KDM4D: variants seen among roughly 807,000 people sequenced by gnomAD.
KDM4D encodes the protein lysine demethylase 4D.
For missense variants in KDM4D, 427 were observed against 674.8 expected (o/e 0.63, Z 4.07); for synonymous variants, 254 against 249.1 (o/e 1.02, Z -0.19).
At chr11:94,976,613 C>T (rs1471338086) in intron 2 of KDM4D, among the ~76,000 whole-genome samples, 1 of 152,052 alleles carries the variant, frequency 6.6e-6, no homozygotes, top group Non-Finnish European at 1.5e-5. Context: ...TCATTTTTAT[C>T]AGCTTTTGGA....
rs990505014 is a variant in KDM4D, at chr11:94,978,558, T to C, written c.-350+2810T>C. On this transcript the variant is annotated intron_variant, in intron 2 of 2. Transcript: ENST00000335080. ...GAGACAGCCTCCAAATGAAATATCA[T>C]TTGCTGATGGTCCAGGCTGGGTTAC... Among the ~76,000 whole-genome samples the C allele has an allele frequency of 2.0e-5, 3 of 152,282 alleles. No homozygotes were observed. The East Asian group carries it at 5.8e-4, about 29-fold the overall frequency.
chr11:94,992,027 A>T (rs1438703964), intron 2 of KDM4D, among the ~76,000 whole-genome samples: 1 of 152,052 alleles, frequency 6.6e-6, no homozygotes, highest in Non-Finnish European at 1.5e-5. Context: ...TCAAAAGTTA[A>T]TAACCCCCCC....
At chr11:94,980,612 A>G (rs2134109440) in intron 2 of KDM4D, among the ~76,000 whole-genome samples, 1 of 152,254 alleles carries the variant, frequency 6.6e-6, no homozygotes, top group South Asian at 2.1e-4. Flanking sequence ...AAGTACATTC[A>G]TATTGTTGTC....
chr11:94,982,475 T>C (rs1393414219), intron 2 of KDM4D, among the ~76,000 whole-genome samples: 1 of 151,274 alleles, frequency 6.6e-6, no homozygotes, highest in Admixed American at 6.6e-5. Context: ...ATAGAATTTC[T>C]ACCAACTCAG....
chr11:94,998,657 C>T lies in KDM4D; in HGVS notation c.1285C>T (p.Pro429Ser). 1 of 1,614,232 alleles carries T rather than the reference C, an allele frequency of 6.2e-7. No homozygotes were observed. Among genetic ancestry groups the T allele is most frequent in the Non-Finnish European group, 8.5e-7 (1 of 1,180,048 alleles). ...RAAAVHSSKK[P>S]SSTPSSTPGP... ...TGCTGCTGTCCACAGCTCTAAGAAG[C>T]CCAGCTCAACTCCATCATCCACCCC... Residue 429 changes from proline to serine, a missense_variant, in exon 3 of 3, where the codon CCC becomes TCC. Pro to Ser is a moderately conservative substitution (Grantham distance 74). Transcript: ENST00000335080. This position sits in a 1 kb window ranked among gnomAD's most constrained non-coding sequence, Gnocchi z 6.7.
At chr11:94,994,438 CAG>C (rs1328767910) in intron 2 of KDM4D, among the ~76,000 whole-genome samples, 1 of 151,934 alleles carries the variant, frequency 6.6e-6, no homozygotes, top group African/African-American at 2.4e-5. Context: ...ATGGTACTAA[CAG>C]AAACCCTGAA....
At chr11:94,991,893 T>G (rs1857937818) in intron 2 of KDM4D, among the ~76,000 whole-genome samples, 1 of 151,534 alleles carries the variant, frequency 6.6e-6, no homozygotes, top group Non-Finnish European at 1.5e-5. Flanking sequence ...CTATAAACGT[T>G]GATAGAGAGA....
chr11:94,988,375 A>C (rs1857905851), intron 2 of KDM4D, among the ~76,000 whole-genome samples: 1 of 152,152 alleles, frequency 6.6e-6, no homozygotes, highest in African/African-American at 2.4e-5. Context: ...TTTTTCGGTA[A>C]ACCTCCAACT....
In KDM4D at chr11:94,998,987, A is replaced by C. The variant is rs1555099702; in HGVS notation, c.*43A>C. The C allele has an allele frequency of 6.8e-7, 1 of 1,463,820 alleles. No homozygotes were observed. The highest frequency in any genetic ancestry group is 1.4e-5 in the African/African-American group (1 of 71,044). 90.7% of individuals were successfully genotyped at this position (1,463,820 alleles called of 1,614,324 possible). ...ATATCCCACTGCCCTGCTGTGTGAC[A>C]GTTTGATGAAACTGGTTACATTTAC... On this transcript the variant is annotated 3_prime_UTR_variant, in exon 3 of 3. Transcript: ENST00000335080. This position sits in a 1 kb window ranked among gnomAD's most constrained non-coding sequence, Gnocchi z 6.7.
Position 94,998,166 on chromosome 11 carries a change from C to T in KDM4D, c.794C>T (p.Thr265Ile). ...KENGIPFNRI[T>I]QEAGEFMVTF... Reference sequence around the variant, plus strand: ...AATGGGATTCCCTTCAATCGCATAACTCAGGAGGCTGGAGAGTTCATGGTG... The same window carrying T: ...AATGGGATTCCCTTCAATCGCATAATTCAGGAGGCTGGAGAGTTCATGGTG... Residue 265 changes from threonine to isoleucine, a missense_variant, in exon 3 of 3, where the codon ACT (threonine) becomes ATT (isoleucine). Transcript: ENST00000335080. This position sits in a 1 kb window ranked among gnomAD's most constrained non-coding sequence, Gnocchi z 6.7. The T allele has an allele frequency of 6.2e-7, 1 of 1,614,206 alleles. No individual in the cohort carries two copies.
chr11:94,987,768 A>C (rs1013030286), intron 2 of KDM4D, among the ~76,000 whole-genome samples: 5 of 152,222 alleles, frequency 3.3e-5, no homozygotes, highest in African/African-American at 1.2e-4. Flanking sequence ...AGAGAAGAGA[A>C]AATCTGCAGC....
rs1857994748 is a variant in KDM4D, at chr11:94,998,421, C to T, written c.1049C>T (p.Pro350Leu). The T allele has an allele frequency of 6.2e-7, 1 of 1,613,724 alleles. No individual in the cohort carries two copies. The highest frequency in any genetic ancestry group is 1.7e-5 in the Admixed American group (1 of 59,998). ...QDRAVVDHMEPRVPASQELST... is the reference protein window; with the variant it reads ...QDRAVVDHMELRVPASQELST... Reference sequence around the variant, plus strand: ...CGGGCAGTTGTGGACCACATGGAGCCCAGGGTACCAGCCAGCCAAGAGCTG... The same window carrying T: ...CGGGCAGTTGTGGACCACATGGAGCTCAGGGTACCAGCCAGCCAAGAGCTG... Residue 350 changes from proline to leucine, a missense_variant, in exon 3 of 3, where the codon CCC becomes CTC. Coordinates refer to ENST00000335080, the MANE Select transcript of KDM4D (RefSeq NM_018039.3). The surrounding 1 kb of genome is among the most constrained non-coding windows in gnomAD (Gnocchi z 6.7).
In KDM4D at chr11:94,998,829, C is replaced by G. The variant is rs1858002007; in HGVS notation, c.1457C>G (p.Pro486Arg). The change falls in exon 3 of 3, where the codon CCA (proline) becomes CGA (arginine). Residue 486 changes from proline to arginine, a missense_variant. By Grantham distance (103) the Pro-to-Arg change is moderately radical. Transcript: ENST00000335080. This position sits in a 1 kb window ranked among gnomAD's most constrained non-coding sequence, Gnocchi z 6.7. The part of the protein sequence containing the change: ...LAGTTCTASG[P>R]EPEPLPEDGA... ...GGCACAACATGCACAGCTTCGGGCCCAGAACCTGAGCCCCTACCTGAGGAT... is the reference window on the plus strand; with the variant it reads ...GGCACAACATGCACAGCTTCGGGCCGAGAACCTGAGCCCCTACCTGAGGAT... 1.3e-6 allele frequency: 2 copies of G among 1,588,776 alleles called. No individual in the cohort carries two copies. The highest frequency in any genetic ancestry group is 1.7e-6 in the Non-Finnish European group (2 of 1,165,062).
At chr11:94,975,597 CTATTAT>C (rs1198258062) in intron 1 of KDM4D, 51 bp from the exon 2 acceptor site, 2 of 151,392 alleles carry the variant, frequency 1.3e-5, no homozygotes, top group South Asian at 2.1e-4. Context: ...TAAATGTTAG[CTATTAT>C]TATTATTATT....
intron 2 of KDM4D, among the ~76,000 whole-genome samples, chr11:94,994,354 G>C (rs1857959590): frequency 1.3e-5 from 2 of 152,172 alleles, no homozygotes; most frequent in African/African-American, 4.8e-5. Context: ...TGGAGAAGGA[G>C]AGCAGAAGCT....
intron 2 of KDM4D, among the ~76,000 whole-genome samples, chr11:94,982,524 C>T (rs1857849690): frequency 7.2e-6 from 1 of 139,426 alleles, no homozygotes; most frequent in Admixed American, 7.6e-5. Context: ...TATCTAGTTA[C>T]TTAAGACTTC....
intron 2 of KDM4D, among the ~76,000 whole-genome samples, chr11:94,982,476 A>G (rs1857849332): frequency 6.6e-6 from 1 of 151,350 alleles, no homozygotes; most frequent in Non-Finnish European, 1.5e-5. Flanking sequence ...TAGAATTTCT[A>G]CCAACTCAGT....
chr11:94,982,573 TAAAA>T (rs1555097697), intron 2 of KDM4D, among the ~76,000 whole-genome samples: 2 of 149,734 alleles, frequency 1.3e-5, no homozygotes, highest in Non-Finnish European at 3.0e-5. Context: ...ACATGACTAT[TAAAA>T]AAAGAAGAGA....
chr11:94,980,739 A>C (rs1395561378), intron 2 of KDM4D, among the ~76,000 whole-genome samples: 1 of 152,130 alleles, frequency 6.6e-6, no homozygotes, highest in East Asian at 1.9e-4. Flanking sequence ...GTGTGTAGAA[A>C]TATCATTGAT....
Sources: allele counts gnomAD v4.1 joint callset (sites outside exome capture counted in the v4.1 genomes callset), GRCh38; gene constraint gnomAD v4.1.1; non-coding constraint Gnocchi (gnomAD v3.1); transcripts MANE v1.5; gene names NCBI Gene and HGNC (gene_info 2026-07-23, HGNC 2026-07-21).